BRI3BP: variants seen among roughly 807,000 people sequenced by gnomAD.
The protein encoded by BRI3BP is BRI3-binding protein.
Under a neutral mutation model 15.8 loss-of-function variants are expected in BRI3BP, and 7 were observed. The ratio of observed to expected loss-of-function variants is 0.44; its 90% CI spans 0.25 to 0.83. The LOEUF is 0.83. BRI3BP is among the 40% of genes least tolerant of loss of function. BRI3BP has a pLI of 0.20. For synonymous variants in BRI3BP, 192 were observed against 163.5 expected (o/e 1.17, Z -1.33); for missense variants, 320 against 339.3 (o/e 0.94, Z 0.45).
the BRI3BP span, among the ~76,000 whole-genome samples, chr12:125,049,603 T>C: frequency 1.3e-5 from 2 of 152,146 alleles, no homozygotes; most frequent in Non-Finnish European, 2.9e-5. Flanking sequence ...CGCCCGGCAC[T>C]GGCCTTGGTC....
At chr12:124,999,327 G>T (rs1955064304) in intron 1 of BRI3BP, among the ~76,000 whole-genome samples, 1 of 152,164 alleles carries the variant, frequency 6.6e-6, no homozygotes, top group Admixed American at 6.6e-5. Context: ...CCCCGAAGCA[G>T]CCAGATATTC....
intron 1 of BRI3BP, among the ~76,000 whole-genome samples, chr12:125,007,305 T>C (rs1482461185): frequency 6.6e-6 from 1 of 152,028 alleles, no homozygotes; most frequent in Non-Finnish European, 1.5e-5. Flanking sequence ...ATCCCAGTGC[T>C]TTGGGAGGCT....
chr12:125,031,574 A>ATT (rs367625363), downstream of BRI3BP, among the ~76,000 whole-genome samples: 12,330 of 84,214 alleles, frequency 0.15, 2,920 homozygotes, highest in African/African-American at 0.27. Context: ...TTTTCTTTCT[A>ATT]TTTTTTTTTT....
the BRI3BP span, among the ~76,000 whole-genome samples, chr12:125,050,513 CAGAAG>C: frequency 6.6e-6 from 1 of 152,236 alleles, no homozygotes; most frequent in Non-Finnish European, 1.5e-5. Flanking sequence ...ACAGTATAGA[CAGAAG>C]AGACCTGCAA....
the BRI3BP span, among the ~76,000 whole-genome samples, chr12:125,043,923 G>A: frequency 0.015 from 2,249 of 152,080 alleles, 50 homozygotes; most frequent in African/African-American, 0.052. Context: ...TACTTGGGAG[G>A]CTGAGGTGTG....
At chr12:125,039,633 T>C in the BRI3BP span, among the ~76,000 whole-genome samples, 3 of 147,622 alleles carry the variant, frequency 2.0e-5, no homozygotes, top group South Asian at 2.2e-4. Flanking sequence ...TGGAAAATCA[T>C]TGGAATGTTA....
At chr12:124,994,048 A>C (rs1353263429) in intron 1 of BRI3BP, 45 bp downstream of exon 1, 4 of 1,207,592 alleles carry the variant, frequency 3.3e-6, no homozygotes, top group Admixed American at 3.7e-5. Context: ...CCCGGTCGCC[A>C]CGCACCTGGC....
chr12:125,001,404 G>T (rs1407188074), intron 1 of BRI3BP, among the ~76,000 whole-genome samples: 2 of 151,896 alleles, frequency 1.3e-5, no homozygotes, highest in African/African-American at 4.8e-5. Flanking sequence ...CTGTAGCCCA[G>T]AATGGAGTGC....
chr12:125,019,243 C>T (rs1404234093), intron 2 of BRI3BP, among the ~76,000 whole-genome samples: 2 of 152,032 alleles, frequency 1.3e-5, no homozygotes, highest in African/African-American at 2.4e-5. Flanking sequence ...CAGGGCCACT[C>T]GTGTTTTCTT....
chr12:125,036,127 C>T (rs1362945012), downstream of BRI3BP, among the ~76,000 whole-genome samples: 8 of 152,178 alleles, frequency 5.3e-5, no homozygotes, highest in East Asian at 1.9e-4. Flanking sequence ...TGCAATGGCG[C>T]GATCTCTGCT....
At chr12:125,012,388 C>G in intron 1 of BRI3BP, 146 bp from the exon 2 acceptor site, 1 of 673,606 alleles carries the variant, frequency 1.5e-6, no homozygotes, top group East Asian at 2.7e-5. Context: ...AGTCAATCCC[C>G]TGGGCCAGTA....
downstream of BRI3BP, among the ~76,000 whole-genome samples, chr12:125,033,080 A>G (rs1374054003): frequency 1.3e-5 from 2 of 152,232 alleles, no homozygotes; most frequent in Admixed American, 6.5e-5. Context: ...GCACCTATGA[A>G]GGAAAAATAG....
At chr12:125,008,112 C>A (rs2135991295) in intron 1 of BRI3BP, among the ~76,000 whole-genome samples, 1 of 152,016 alleles carries the variant, frequency 6.6e-6, no homozygotes, top group East Asian at 1.9e-4. Flanking sequence ...GGTGATGCTG[C>A]TGCTGCTAGT....
rs574884755 is a variant in BRI3BP at position 124,993,835 on chromosome 12, C to T, written c.45C>T (p.Leu15=). 7.8e-6 allele frequency: 9 copies of T among 1,148,832 alleles called. No homozygotes were observed. In the African/African-American group the frequency reaches 1.5e-4, roughly 19 times the overall value. The allele number at this position is 1,148,832 out of a possible 1,614,324, so 71.2% of individuals were successfully genotyped here. A position where few individuals can be genotyped will look rare whatever the true frequency, so the allele number is the denominator to read the frequency against. Residue 15 remains leucine (L), a synonymous_variant, in exon 1 of 3, where the codon CTC becomes CTT. Transcript: ENST00000341446. ...ASGGPLARAG[L]LLLLLLLLLL... is the part of the protein sequence containing the mutation. Reference sequence around the variant, plus strand: ...GCGGGCCCCTGGCCCGGGCCGGGCTCCTGCTGCTGCTGCTGCTGCTGCTGC... The same window carrying T: ...GCGGGCCCCTGGCCCGGGCCGGGCTTCTGCTGCTGCTGCTGCTGCTGCTGC...
chr12:124,999,607 T>TTTTA lies in BRI3BP; in HGVS notation c.213+5624_213+5627dup, dbSNP rs577502155. Among the ~76,000 whole-genome samples, 16 of 150,254 alleles carry TTTTA rather than the reference T, an allele frequency of 1.1e-4. No individual in the cohort carries two copies. In the East Asian group the frequency reaches 1.2e-3, roughly 11 times the overall value. The stretch of plus-strand genomic sequence containing the variant: ...CCCTGCTAAGTTTTTTATTTTTTAT[T>TTTTA]TTTATTTATTTATTTATTTATTTTT... On this transcript the variant is annotated intron_variant, in intron 1 of 2. Transcript: ENST00000341446.
intron 2 of BRI3BP, among the ~76,000 whole-genome samples, chr12:125,021,948 T>A (rs1440581850): frequency 4.0e-5 from 6 of 151,892 alleles, no homozygotes; most frequent in African/African-American, 1.2e-4. Flanking sequence ...GCTGTGGTGG[T>A]GCATGCCTAT....
In BRI3BP at chr12:125,020,020, C is replaced by T. The variant is rs141485027; in HGVS notation, c.317-4971C>T. On this transcript the variant is annotated intron_variant, in intron 2 of 2. Transcript: ENST00000341446. Reference sequence around the variant, plus strand: ...TGTTGCCCAGGCTGGAGTGCAGTGGCGCAACCTCAGCCTCCCGGGTTCCAG... The same window carrying T: ...TGTTGCCCAGGCTGGAGTGCAGTGGTGCAACCTCAGCCTCCCGGGTTCCAG... Among the ~76,000 whole-genome samples the T allele has an allele frequency of 4.6e-3, 620 of 136,146 alleles. 5 individuals carry two copies. Among genetic ancestry groups the T allele is most frequent in the African/African-American group, 0.015 (519 of 35,528 alleles). The allele number at this position is 136,146 out of a possible 152,430, so 89.3% of individuals were successfully genotyped here.
chr12:125,038,980 C>T, the BRI3BP span, among the ~76,000 whole-genome samples: 1 of 151,904 alleles, frequency 6.6e-6, no homozygotes, highest in Admixed American at 6.6e-5. Context: ...ATCCCAGCTA[C>T]TTGGGAGGCT....
the BRI3BP span, among the ~76,000 whole-genome samples, chr12:125,036,593 A>G: frequency 6.6e-6 from 1 of 152,154 alleles, no homozygotes; most frequent in Non-Finnish European, 1.5e-5. Context: ...ACAGGGCACT[A>G]TTGGGAGATT....
Sources: allele counts gnomAD v4.1 joint callset (sites outside exome capture counted in the v4.1 genomes callset), GRCh38; gene constraint gnomAD v4.1.1; transcripts MANE v1.5; gene names NCBI Gene and HGNC (gene_info 2026-07-23, HGNC 2026-07-21).